Variants in TMEM45B observed in about 807,000 individuals in gnomAD.
The protein encoded by TMEM45B is transmembrane protein 45B.
Under a neutral mutation model 27.3 loss-of-function variants are expected in TMEM45B, and 29 were observed. The ratio of observed to expected loss-of-function variants is 1.06; its 90% CI spans 0.79 to 1.45. The LOEUF (loss-of-function observed/expected upper bound fraction) is 1.45, where lower values mean the gene tolerates loss of function less well. Ranked by LOEUF, TMEM45B falls within the 40% of genes most tolerant of loss-of-function variation. TMEM45B has a pLI of 0.00. For missense variants in TMEM45B, 348 were observed against 343.9 expected (o/e 1.01, Z -0.09); for synonymous variants, 143 against 134.7 (o/e 1.06, Z -0.43).
chr11:129,816,934 G>T (rs1258539707), intron 1 of TMEM45B, among the ~76,000 whole-genome samples: 1 of 149,420 alleles, frequency 6.7e-6, no homozygotes, highest in Non-Finnish European at 1.5e-5. Context: ...TTTTGGTAGA[G>T]ACGGGGTTTC....
chr11:129,820,056 G>GT (rs1199167534), intron 1 of TMEM45B, among the ~76,000 whole-genome samples: 1 of 152,004 alleles, frequency 6.6e-6, no homozygotes, highest in Non-Finnish European at 1.5e-5. Flanking sequence ...GCTCACGCCT[G>GT]TAATTCCAGC....
intron 1 of TMEM45B, among the ~76,000 whole-genome samples, chr11:129,822,754 G>T (rs561084052): frequency 2.0e-5 from 3 of 151,968 alleles, no homozygotes; most frequent in Admixed American, 2.0e-4. Flanking sequence ...AGATACTAGG[G>T]AATGAAAACT....
Position 129,858,676 on chromosome 11 carries a change from T to A in TMEM45B, c.819T>A (p.Asp273Glu). Reference sequence around the variant, plus strand: ...AGACCGCCCTCTTGAGTGGCTCAGATGAGGAATGAGCCGAGATGCGGAGGG... The same window carrying A: ...AGACCGCCCTCTTGAGTGGCTCAGAAGAGGAATGAGCCGAGATGCGGAGGG... ...TYQTALLSGSDEE is the reference protein window; with the variant it reads ...TYQTALLSGSEEE Residue 273 changes from aspartate (D) to glutamate (E), a missense_variant, in exon 6 of 6, where the codon GAT becomes GAA. Asp to Glu is a conservative substitution (Grantham distance 45). Transcript: ENST00000281441. 6.4e-7 allele frequency: 1 copy of A among 1,559,474 alleles called. No homozygotes were observed. The highest frequency in any genetic ancestry group is 8.7e-7 in the Non-Finnish European group (1 of 1,150,018).
chr11:129,825,721 A>G (rs1947470036), intron 1 of TMEM45B, among the ~76,000 whole-genome samples: 1 of 152,146 alleles, frequency 6.6e-6, no homozygotes, highest in Non-Finnish European at 1.5e-5. Context: ...GCCCACTGGT[A>G]GTGGATGCTG....
intron 4 of TMEM45B, among the ~76,000 whole-genome samples, chr11:129,856,184 T>C (rs920374543): frequency 3.9e-5 from 6 of 152,174 alleles, no homozygotes; most frequent in Admixed American, 3.9e-4. Context: ...CTTGCTAAAC[T>C]GTCCACTGGA....
intron 2 of TMEM45B, among the ~76,000 whole-genome samples, chr11:129,853,397 G>A (rs966748578): frequency 1.3e-5 from 2 of 152,232 alleles, no homozygotes; most frequent in South Asian, 2.1e-4. Context: ...GCTTCTTGGA[G>A]AGAGTGAAGC....
intron 1 of TMEM45B, among the ~76,000 whole-genome samples, chr11:129,826,869 G>A (rs190793932): frequency 3.9e-5 from 6 of 151,918 alleles, no homozygotes; most frequent in South Asian, 4.2e-4. Context: ...CACCATGCCC[G>A]GCTAATTTTT....
intron 1 of TMEM45B, among the ~76,000 whole-genome samples, chr11:129,851,868 A>G (rs1386169148): frequency 1.3e-5 from 2 of 152,214 alleles, no homozygotes; most frequent in Non-Finnish European, 2.9e-5. Flanking sequence ...CTAGACCACC[A>G]CACCAAAACT....
intron 4 of TMEM45B, 152 bp from the exon 5 acceptor site, chr11:129,857,161 T>C (rs1947940509): frequency 6.7e-6 from 6 of 893,794 alleles, no homozygotes; most frequent in Middle Eastern, 3.5e-4. Flanking sequence ...CAGAGCCATT[T>C]TTCTATGTGA....
chr11:129,857,278 A>G, intron 4 of TMEM45B, 35 bp from the exon 5 acceptor site: 2 of 1,608,128 alleles, frequency 1.2e-6, no homozygotes, highest in Non-Finnish European at 1.7e-6. Context: ...CAGGACGACC[A>G]ACCACAAGAC....
intron 5 of TMEM45B, 136 bp downstream of exon 5, chr11:129,857,594 AC>A (rs1247424387): frequency 3.1e-6 from 3 of 954,872 alleles, no homozygotes; most frequent in Non-Finnish European, 1.6e-6. Context: ...AGGTATCACT[AC>A]CCTTATTTGC....
At chr11:129,843,624 G>A (rs1339442783) in intron 1 of TMEM45B, among the ~76,000 whole-genome samples, 1 of 151,672 alleles carries the variant, frequency 6.6e-6, no homozygotes, top group Non-Finnish European at 1.5e-5. Flanking sequence ...AAAAAAGTGG[G>A]CAAAGGACCT....
chr11:129,857,717 G>A (rs1341354627), intron 5 of TMEM45B, among the ~76,000 whole-genome samples: 2 of 152,144 alleles, frequency 1.3e-5, no homozygotes, highest in Non-Finnish European at 2.9e-5. Flanking sequence ...TTAAGCCTAT[G>A]GTGTGGTGGG....
chr11:129,848,336 C>G (rs572807913), intron 1 of TMEM45B, among the ~76,000 whole-genome samples: 1 of 152,188 alleles, frequency 6.6e-6, no homozygotes, highest in Non-Finnish European at 1.5e-5. Context: ...CACAGCGAAA[C>G]CCCGTCTCCA....
Position 129,815,858 on chromosome 11 carries a change from C to G in TMEM45B, c.-49C>G. ...TGCTTCTGGGCGGACGCACTTGGCG[C>G]GCGGCGCGGGCTGCAGACGGCTGCG... On this transcript the variant is annotated 5_prime_UTR_variant, in exon 1 of 6. Transcript: ENST00000281441. 1.3e-5 allele frequency: 17 copies of G among 1,305,896 alleles called. No individual in the cohort carries two copies. Among genetic ancestry groups the G allele is most frequent in the Non-Finnish European group, 1.6e-5 (17 of 1,035,242 alleles). The allele number at this position is 1,305,896 out of a possible 1,614,324, so 80.9% of individuals were successfully genotyped here.
intron 2 of TMEM45B, 42 bp from the exon 3 acceptor site, chr11:129,854,568 G>A: frequency 6.3e-7 from 1 of 1,596,826 alleles, no homozygotes; most frequent in East Asian, 2.2e-5. Context: ...TTGTCTTAGA[G>A]CTACTCTTCC....
In TMEM45B at chr11:129,852,609, C is replaced by G. The variant is rs2135599814; in HGVS notation, c.127C>G (p.Gln43Glu). The change falls in exon 2 of 6, where the codon CAG (glutamine) becomes GAG (glutamate). Residue 43 changes from glutamine (Q) to glutamate (E), a missense_variant. Transcript: ENST00000281441. ...TRKNSPLHYY[Q>E]RLEIVEAAIR... The stretch of plus-strand genomic sequence containing the variant: ...GAAGAACAGCCCACTACATTACTAT[C>G]AGCGTCTCGAGATCGTCGAAGCCGC... 1.9e-6 allele frequency: 3 copies of G among 1,612,864 alleles called. No individual in the cohort carries two copies. In the South Asian group the frequency reaches 3.3e-5, roughly 18 times the overall value.
chr11:129,847,000 G>C (rs908246171), intron 1 of TMEM45B, among the ~76,000 whole-genome samples: 1 of 152,268 alleles, frequency 6.6e-6, no homozygotes, highest in Admixed American at 6.5e-5. Flanking sequence ...TATTGGCCCT[G>C]GTAAGGACTT....
chr11:129,819,802 C>G (rs1318622076), intron 1 of TMEM45B, among the ~76,000 whole-genome samples: 1 of 151,784 alleles, frequency 6.6e-6, no homozygotes, highest in Non-Finnish European at 1.5e-5. Context: ...GATCTGCCCC[C>G]CTCGGCCTCC....
Sources: allele counts gnomAD v4.1 joint callset (sites outside exome capture counted in the v4.1 genomes callset), GRCh38; gene constraint gnomAD v4.1.1; transcripts MANE v1.5; gene names NCBI Gene and HGNC (gene_info 2026-07-23, HGNC 2026-07-21).